Variants in MTMR8 observed in about 807,000 individuals in gnomAD.
MTMR8 encodes phosphatidylinositol-3,5-bisphosphate 3-phosphatase MTMR8.
MTMR8 carries 65 observed loss-of-function variants against 39.3 expected under a neutral mutation model. The ratio of observed to expected loss-of-function variants is 1.65; its 90% CI spans 1.35 to 2.03. The LOEUF (loss-of-function observed/expected upper bound fraction) is 2.03. Among genes scored for constraint, MTMR8 ranks in the 30% most tolerant of loss-of-function variants. The probability of loss-of-function intolerance (pLI) is 0.00; values close to 1 mark genes in which losing one functional copy is unlikely to be tolerated. For synonymous variants in MTMR8, 245 were observed against 185.2 expected (o/e 1.32, Z -2.62); for missense variants, 777 against 538.9 (o/e 1.44, Z -4.37).
intron 1 of MTMR8, among the ~76,000 whole-genome samples, chrX:64,369,113 CA>C (rs1016491485): frequency 1.8e-5 from 2 of 111,688 alleles, no homozygotes; most frequent in African/African-American, 6.5e-5. Context: ...GTCAGGAAAC[CA>C]CAGATGCTGT....
At chrX:64,330,477 C>T (rs1453052903) in intron 11 of MTMR8, among the ~76,000 whole-genome samples, 2 of 111,862 alleles carry the variant, frequency 1.8e-5, no homozygotes, top group Admixed American at 9.5e-5. Flanking sequence ...GAGGGTTGGG[C>T]TAACTACTAA....
intron 12 of MTMR8, among the ~76,000 whole-genome samples, chrX:64,319,515 T>A (rs1159923747): frequency 8.9e-6 from 1 of 112,162 alleles, no homozygotes; most frequent in Non-Finnish European, 1.9e-5. Context: ...TAGGTTTTCT[T>A]CTAGGGTTTT....
intron 1 of MTMR8, among the ~76,000 whole-genome samples, chrX:64,387,599 T>C (rs988695021): frequency 3.7e-5 from 4 of 109,161 alleles, no homozygotes; most frequent in African/African-American, 1.3e-4. Context: ...CTGTTTCTGA[T>C]ACAGTGTTAT....
rs765387669 is a variant in MTMR8 at position 64,380,507 on chromosome X, G to C, written c.24+14833C>G. 2.7e-5 allele frequency among the ~76,000 whole-genome samples: 3 copies of C among 112,547 alleles called. No homozygotes were observed. In the South Asian group the frequency reaches 1.1e-3, roughly 41 times the overall value. The stretch of plus-strand genomic sequence containing the variant: ...GTGATTCCATTGTGTAGCCATTGTT[G>C]AGAACCACTGAATTAATCCAAACTT... On this transcript the variant is annotated intron_variant, in intron 1 of 13. Coordinates refer to ENST00000374852, the MANE Select transcript of MTMR8 (RefSeq NM_017677.4).
Position 64,349,974 on chromosome X carries a change from G to A in MTMR8, c.565C>T (p.Pro189Ser). The A allele has an allele frequency of 8.4e-7, 1 of 1,191,653 alleles. No homozygotes were observed. The change falls in exon 5 of 14, where the codon CCT becomes TCT. Residue 189 changes from proline (P) to serine (S), a missense_variant. Pro to Ser is a moderately conservative substitution (Grantham distance 74, BLOSUM62 -1). Coordinates refer to ENST00000374852, the MANE Select transcript of MTMR8 (RefSeq NM_017677.4). ...TCTTTGTAGAGGTAGGAGAGCACAGGGACACGTTCTTTACTTCTGAACTTT... is the reference window on the plus strand; with the variant it reads ...TCTTTGTAGAGGTAGGAGAGCACAGAGACACGTTCTTTACTTCTGAACTTT... ...SSKFRSKERV[P>S]VLSYLYKENN...
chrX:64,303,166 A>AT (rs780931870), intron 12 of MTMR8, among the ~76,000 whole-genome samples: 3,733 of 110,754 alleles, frequency 0.034, 87 homozygotes, highest in Non-Finnish European at 0.054. Context: ...TATTGTAACC[A>AT]TTTTTTTTTA....
At chrX:64,300,204 T>C (rs1463356551) in intron 12 of MTMR8, among the ~76,000 whole-genome samples, 1 of 108,603 alleles carries the variant, frequency 9.2e-6, no homozygotes, top group Non-Finnish European at 1.9e-5. Flanking sequence ...ATTATTAATG[T>C]GTGGGAGTCT....
At chrX:64,315,178 CAA>C (rs758319690) in intron 12 of MTMR8, among the ~76,000 whole-genome samples, 20 of 112,209 alleles carry the variant, frequency 1.8e-4, no homozygotes, top group Non-Finnish European at 1.3e-4. Flanking sequence ...CCTGCCAACT[CAA>C]GTGTCCATCA....
chrX:64,309,939 G>A (rs780878574), intron 12 of MTMR8, among the ~76,000 whole-genome samples: 28 of 111,941 alleles, frequency 2.5e-4, no homozygotes, highest in Admixed American at 4.8e-4. Context: ...TTGCCTCGAC[G>A]TTGATGGCTG....
At chrX:64,289,734 A>G (rs923991207) in intron 12 of MTMR8, among the ~76,000 whole-genome samples, 1 of 110,186 alleles carries the variant, frequency 9.1e-6, no homozygotes, top group African/African-American at 3.3e-5. Flanking sequence ...ACAAAAGCCA[A>G]AATGAGGAAG....
At chrX:64,341,707 G>A (rs1043802029) in intron 8 of MTMR8, among the ~76,000 whole-genome samples, 2 of 111,228 alleles carry the variant, frequency 1.8e-5, no homozygotes, top group African/African-American at 3.3e-5. Context: ...ATTTCCACAT[G>A]TAGTGGTACT....
intron 3 of MTMR8, among the ~76,000 whole-genome samples, chrX:64,355,610 A>C (rs1433987731): frequency 9.0e-6 from 1 of 111,133 alleles, no homozygotes; most frequent in Non-Finnish European, 1.9e-5. Context: ...TGGGAGAGAA[A>C]ATGTAAGAGC....
At chrX:64,286,246 G>A (rs1382793380) in intron 12 of MTMR8, among the ~76,000 whole-genome samples, 2 of 111,832 alleles carry the variant, frequency 1.8e-5, no homozygotes, top group Admixed American at 9.4e-5. Flanking sequence ...TAAATTCCTC[G>A]ACACATACAC....
intron 1 of MTMR8, among the ~76,000 whole-genome samples, chrX:64,365,311 G>A (rs751029516): frequency 1.8e-5 from 2 of 110,078 alleles, no homozygotes; most frequent in East Asian, 5.7e-4. Context: ...ATAATTGTCA[G>A]ATTCACCAAG....
chrX:64,282,901 G>A (rs918918174), intron 12 of MTMR8, among the ~76,000 whole-genome samples: 5 of 111,765 alleles, frequency 4.5e-5, no homozygotes, highest in Middle Eastern at 4.6e-3. Flanking sequence ...CAGCGTGAGT[G>A]ATGCAGAAGA....
chrX:64,361,104 ACTAT>A (rs1397037838), intron 1 of MTMR8, among the ~76,000 whole-genome samples: 3 of 111,867 alleles, frequency 2.7e-5, no homozygotes, highest in Non-Finnish European at 3.8e-5. Context: ...AAAAATTAAA[ACTAT>A]CACTATTATG....
intron 6 of MTMR8, among the ~76,000 whole-genome samples, chrX:64,348,388 A>T (rs1602141526): frequency 8.9e-6 from 1 of 111,860 alleles, no homozygotes. Flanking sequence ...TTGGTAAAAA[A>T]GATGAGGGAT....
At chrX:64,338,088 A>G (rs1285899974) in intron 8 of MTMR8, among the ~76,000 whole-genome samples, 1 of 112,105 alleles carries the variant, frequency 8.9e-6, no homozygotes, top group Non-Finnish European at 1.9e-5. Flanking sequence ...TGGAAAAACT[A>G]CTGGTAATAT....
intron 8 of MTMR8, among the ~76,000 whole-genome samples, chrX:64,338,550 GAGAGAT>G (rs1923134403): frequency 8.9e-6 from 1 of 112,181 alleles, no homozygotes; most frequent in African/African-American, 3.2e-5. Flanking sequence ...AGAGAATAAG[GAGAGAT>G]AGAGCCAGCT....
Sources: gnomAD v4.1 joint callset for allele counts (sites outside exome capture counted in the v4.1 genomes callset) on GRCh38, gnomAD v4.1.1 for gene constraint, MANE v1.5 for transcripts, NCBI Gene and HGNC (gene_info 2026-07-23, HGNC 2026-07-21) for gene names.